ZNF695: variants seen among roughly 807,000 people sequenced by gnomAD.
ZNF695 encodes zinc finger protein SBZF3.
In ZNF695, 11 loss-of-function variants were observed where a neutral mutation model predicts 11.2. The observed-to-expected ratio is 0.98, with a 90% CI of 0.62 to 1.62. The LOEUF (loss-of-function observed/expected upper bound fraction) is 1.62, where lower values mean the gene tolerates loss of function less well. Among genes scored for constraint, ZNF695 ranks in the 40% most tolerant of loss-of-function variants. The pLI is 0.00. For missense variants in ZNF695, 559 were observed against 590.5 expected, an observed-to-expected ratio of 0.95 and a Z score of 0.55; for synonymous variants, 190 against 201.4, an observed-to-expected ratio of 0.94 and a Z score of 0.48.
chr1:246,967,816 G>A (rs1458485424), intron 4 of ZNF695: 3 of 329,018 alleles, frequency 9.1e-6, no homozygotes, highest in Non-Finnish European at 1.8e-5. Context: ...GAGAGCAAAG[G>A]GGGAAATGCT....
chr1:247,007,885 C>A, intron 1 of ZNF695, 21 bp downstream of exon 1: 1 of 1,545,160 alleles, frequency 6.5e-7, no homozygotes, highest in South Asian at 1.2e-5. Context: ...CTTCTCGGGA[C>A]ACCCTGCTCC....
At position 246,970,465 on chromosome 1, in the gene ZNF695, C is replaced by A. The variant is rs536548952; in HGVS notation, c.391-2673G>T. Among the ~76,000 whole-genome samples, 4 of 152,180 alleles carry A rather than the reference C, an allele frequency of 2.6e-5. No individual in the cohort carries two copies. The South Asian group carries it at 8.3e-4, about 32-fold the overall frequency. On this transcript the variant is annotated intron_variant, in intron 4 of 5. Coordinates refer to the ZNF695 transcript ENST00000487338. ...AGGTGGGGATGGCTACGGCAGTTTGCAATTTGTGAGGCAGAGTATTGAAGA... is the reference window on the plus strand; with the variant it reads ...AGGTGGGGATGGCTACGGCAGTTTGAAATTTGTGAGGCAGAGTATTGAAGA...
intron 5 of ZNF695, among the ~76,000 whole-genome samples, chr1:246,959,762 C>T (rs1205272481): frequency 6.6e-6 from 1 of 152,120 alleles, no homozygotes; most frequent in African/African-American, 2.4e-5. Context: ...GACTATTGAG[C>T]TTGTCACTTT....
At chr1:247,003,929 T>C (rs1669461298) in intron 1 of ZNF695, among the ~76,000 whole-genome samples, 1 of 152,234 alleles carries the variant, frequency 6.6e-6, no homozygotes, top group Non-Finnish European at 1.5e-5. Context: ...AATTTTTTCT[T>C]AGGGCCGGGC....
intron 5 of ZNF695, among the ~76,000 whole-genome samples, chr1:246,947,138 A>T (rs78106328): frequency 0.19 from 16,934 of 89,038 alleles, 1,372 homozygotes; most frequent in African/African-American, 0.29. Context: ...AGACTCCGTC[A>T]AAAAAAAAAA....
Position 246,986,920 on chromosome 1 carries a change from T to C in ZNF695, c.*47A>G. 1 of 1,519,972 alleles carries C rather than the reference T, an allele frequency of 6.6e-7. No homozygotes were observed. The highest frequency in any genetic ancestry group is 1.4e-5 in the South Asian group (1 of 73,220). 94.2% of individuals were successfully genotyped at this position (1,519,972 alleles called of 1,614,324 possible). A position where few individuals can be genotyped will look rare whatever the true frequency, so the allele number is the denominator to read the frequency against. The stretch of plus-strand genomic sequence containing the variant: ...AAATATTCTGCTGTGAAGTTGTGAA[T>C]AGGTATTAAAGACTATGCCATATTG... On this transcript the variant is annotated 3_prime_UTR_variant, in exon 4 of 4. Transcript: ENST00000339986.
intron 5 of ZNF695, among the ~76,000 whole-genome samples, chr1:246,960,739 C>A (rs367973008): frequency 2.0e-5 from 3 of 151,930 alleles, no homozygotes; most frequent in African/African-American, 7.3e-5. Context: ...CAGGAGTTCG[C>A]GAGCAGCCTG....
At position 246,987,295 on chromosome 1, in the gene ZNF695, G is replaced by T. The variant is rs1668879809; in HGVS notation, c.1220C>A (p.Pro407His). 1.9e-6 allele frequency: 3 copies of T among 1,613,780 alleles called. No homozygotes were observed. Among genetic ancestry groups the T allele is most frequent in the Non-Finnish European group, 1.7e-6 (2 of 1,179,956 alleles). The change falls in exon 4 of 4, where the codon CCC (proline) becomes CAC (histidine). Residue 407 changes from proline (P) to histidine (H), a missense_variant. Pro to His is a moderately conservative substitution (Grantham distance 77). Coordinates refer to ENST00000339986, the MANE Select transcript of ZNF695 (RefSeq NM_020394.5). ...QHKRIHTGQK[P>H]YKCEECGKAF... ...TTTGCCACATTCCTCACATTTGTAG[G>T]GTTTCTGCCCAGTATGAATTCTCTT...
intron 5 of ZNF695, among the ~76,000 whole-genome samples, chr1:246,960,210 A>T (rs959989638): frequency 2.6e-5 from 4 of 152,224 alleles, no homozygotes; most frequent in Non-Finnish European, 5.9e-5. Context: ...CTATTCAAAG[A>T]AATTGTAAAC....
At chr1:246,972,941 A>ATG (rs1234924645) in intron 4 of ZNF695, among the ~76,000 whole-genome samples, 1 of 149,056 alleles carries the variant, frequency 6.7e-6, no homozygotes, top group Non-Finnish European at 1.5e-5. Flanking sequence ...GTATATATAT[A>ATG]TATATATATA....
intron 4 of ZNF695, among the ~76,000 whole-genome samples, chr1:246,975,997 G>A (rs527845811): frequency 5.8e-4 from 89 of 152,266 alleles, no homozygotes; most frequent in Non-Finnish European, 9.7e-4. Context: ...GAAATCTCAA[G>A]GTTAAGAGAG....
chr1:246,951,769 G>A (rs868048177), intron 5 of ZNF695, among the ~76,000 whole-genome samples: 1 of 152,146 alleles, frequency 6.6e-6, no homozygotes, highest in African/African-American at 2.4e-5. Flanking sequence ...GCCAGGTGCT[G>A]GCACAGCTGG....
At chr1:246,979,651 A>G (rs563666914) in intron 4 of ZNF695, among the ~76,000 whole-genome samples, 1 of 152,244 alleles carries the variant, frequency 6.6e-6, no homozygotes, top group African/African-American at 2.4e-5. Flanking sequence ...ATCTAACCAT[A>G]TTTCTTAAAT....
intron 5 of ZNF695, among the ~76,000 whole-genome samples, chr1:246,953,986 A>G (rs1175203032): frequency 6.6e-6 from 1 of 151,924 alleles, no homozygotes; most frequent in Non-Finnish European, 1.5e-5. Flanking sequence ...AAAGAAGCCT[A>G]AAAACTCAGG....
intron 4 of ZNF695, among the ~76,000 whole-genome samples, chr1:246,975,604 T>C (rs747349002): frequency 6.6e-6 from 1 of 152,190 alleles, no homozygotes; most frequent in African/African-American, 2.4e-5. Flanking sequence ...TTTACTAACA[T>C]GCTGAGAACA....
intron 1 of ZNF695, among the ~76,000 whole-genome samples, chr1:247,002,554 T>C (rs754859969): frequency 4.6e-5 from 7 of 152,130 alleles, no homozygotes; most frequent in Non-Finnish European, 8.8e-5. Flanking sequence ...GGGAGGCTGA[T>C]ACAGGCAGAT....
chr1:246,974,159 AAC>A (rs1405743697), intron 4 of ZNF695, among the ~76,000 whole-genome samples: 3 of 147,496 alleles, frequency 2.0e-5, no homozygotes, highest in African/African-American at 8.0e-5. Flanking sequence ...CAAACAAACA[AAC>A]AAAAAAAAAC....
downstream of ZNF695, among the ~76,000 whole-genome samples, chr1:246,984,436 C>T (rs951586931): frequency 6.6e-6 from 1 of 152,152 alleles, no homozygotes; most frequent in Non-Finnish European, 1.5e-5. Flanking sequence ...GAAGTCCTTT[C>T]TCTGCATGCA....
chr1:246,953,020 GC>G (rs1191447018), intron 5 of ZNF695, among the ~76,000 whole-genome samples: 1 of 152,046 alleles, frequency 6.6e-6, no homozygotes, highest in Non-Finnish European at 1.5e-5. Context: ...ATTTAGAAGG[GC>G]ATGTCCACCC....
Sources: gnomAD v4.1 joint callset for allele counts (sites outside exome capture counted in the v4.1 genomes callset) on GRCh38, gnomAD v4.1.1 for gene constraint, MANE v1.5 for transcripts, NCBI Gene and HGNC (gene_info 2026-07-23, HGNC 2026-07-21) for gene names.